CCDC174: variants seen among roughly 807,000 people sequenced by gnomAD.
CCDC174 encodes coiled-coil domain-containing protein 174.
A neutral mutation model predicts 57.1 loss-of-function variants in CCDC174; 37 were observed. That is an observed-to-expected ratio of 0.65 (90% CI 0.50 to 0.85). CCDC174 has a LOEUF of 0.85. Among genes scored for constraint, CCDC174 ranks in the 40% least tolerant of loss-of-function variants. The pLI, the probability that CCDC174 is intolerant of heterozygous loss-of-function variation, is 0.00. For missense variants in CCDC174, 540 were observed against 574.3 expected (o/e 0.94, Z 0.61); for synonymous variants, 182 against 190.2 (o/e 0.96, Z 0.35).
intron 1 of CCDC174, among the ~76,000 whole-genome samples, chr3:14,653,167 A>G (rs1324485719): frequency 6.6e-6 from 1 of 152,246 alleles, no homozygotes; most frequent in Admixed American, 6.5e-5. Flanking sequence ...ATCAGGAACC[A>G]GAAAGCTATA....
chr3:14,671,084 A>G lies in CCDC174; in HGVS notation c.1294A>G (p.Ser432Gly). The G allele has an allele frequency of 6.2e-7, 1 of 1,614,210 alleles. No homozygotes were observed. Among genetic ancestry groups the G allele is most frequent in the Non-Finnish European group, 8.5e-7 (1 of 1,180,024 alleles). Reference sequence around the variant, plus strand: ...GTGCCCTGACCAGAGCCACGGACCTAGCCCTGAACATACGTCACCCACTCC... The same window carrying G: ...GTGCCCTGACCAGAGCCACGGACCTGGCCCTGAACATACGTCACCCACTCC... ...GQCPDQSHGP[S>G]PEHTSPTPAP... Residue 432 changes from serine (S) to glycine (G), a missense_variant, in exon 11 of 11, where the codon AGC (serine) becomes GGC (glycine). By Grantham distance (56) the Ser-to-Gly change is moderately conservative. Coordinates refer to ENST00000383794, the MANE Select transcript of CCDC174 (RefSeq NM_016474.5).
intron 6 of CCDC174, 115 bp downstream of exon 6, chr3:14,665,238 T>TACTG: frequency 1.6e-6 from 1 of 643,538 alleles, no homozygotes; most frequent in East Asian, 2.8e-5. Context: ...AGTAAGGAGA[T>TACTG]ATTGATTGAT....
At chr3:14,657,650 C>A (rs1445427288) in intron 3 of CCDC174, among the ~76,000 whole-genome samples, 1 of 152,216 alleles carries the variant, frequency 6.6e-6, no homozygotes, top group Non-Finnish European at 1.5e-5. Flanking sequence ...CTCATCCCTG[C>A]CTGTCTCTGT....
chr3:14,659,462 A>G (rs1232001479), intron 4 of CCDC174, among the ~76,000 whole-genome samples: 2 of 152,154 alleles, frequency 1.3e-5, no homozygotes, highest in Admixed American at 6.5e-5. Context: ...CAAGGCAGGC[A>G]GATCACCTGA....
rs1446421862 is a variant in CCDC174, at chr3:14,666,910, C to T, written c.687C>T (p.Pro229=). 6.2e-7 allele frequency: 1 copy of T among 1,601,168 alleles called. No individual in the cohort carries two copies. Among genetic ancestry groups the T allele is most frequent in the African/African-American group, 1.4e-5 (1 of 73,740 alleles). The change falls in exon 7 of 11, where the codon CCC becomes CCT. Residue 229 remains proline (P), a synonymous_variant. Transcript: ENST00000383794. ...EEEEREALKR[P]MGPVHYEDIR... ...AAGAAAGAGAGGCCCTGAAGAGGCC[C>T]ATGGGGCCCGTACATTATGAAGACA...
At chr3:14,669,863 G>C in intron 9 of CCDC174, 71 bp from the exon 10 acceptor site, 1 of 1,484,594 alleles carries the variant, frequency 6.7e-7, no homozygotes, top group Non-Finnish European at 9.3e-7. Context: ...TTCAGGATTA[G>C]CATGTTCTGT....
Position 14,661,717 on chromosome 3 carries a change from A to G in CCDC174, c.485+10A>G, listed in dbSNP as rs769147569. 5.0e-6 allele frequency: 8 copies of G among 1,606,096 alleles called. No homozygotes were observed. The highest frequency in any genetic ancestry group is 1.7e-4 in the Middle Eastern group (1 of 6,034). ...ACCCCAGTGAAGAATGGTTGGTAAC[A>G]TCATGGATTAGCTCAGAGGAACATC... On this transcript the variant is annotated intron_variant, in intron 5 of 10. Transcript: ENST00000383794.
chr3:14,659,037 C>G, intron 4 of CCDC174, 108 bp downstream of exon 4: 1 of 1,064,424 alleles, frequency 9.4e-7, no homozygotes, highest in Non-Finnish European at 1.3e-6. Flanking sequence ...ATTTAGACGT[C>G]AAAATTTTAC....
intron 2 of CCDC174, 28 bp from the exon 3 acceptor site, chr3:14,655,500 CT>C (rs771921139): frequency 1.4e-6 from 2 of 1,459,752 alleles, no homozygotes; most frequent in Admixed American, 4.0e-5. Flanking sequence ...TCATGTGGTT[CT>C]GTTTTGTCTT....
chr3:14,663,332 G>A (rs908096653), intron 5 of CCDC174, among the ~76,000 whole-genome samples: 1 of 152,150 alleles, frequency 6.6e-6, no homozygotes, highest in Non-Finnish European at 1.5e-5. Context: ...CTAAGTGATT[G>A]CTCCCTCATC....
chr3:14,651,872 C>T lies in CCDC174; in HGVS notation c.36C>T (p.Ala12=). The change falls in exon 1 of 11, where the codon GCC becomes GCT. Residue 12 remains alanine, a synonymous_variant. Coordinates refer to ENST00000383794, the MANE Select transcript of CCDC174 (RefSeq NM_016474.5). Reference sequence around the variant, plus strand: ...GGAAAAAGCCTTTGGACGTCACGGCCTCCTCGGTGAGTGAGGGTATGAGGT... The same window carrying T: ...GGAAAAAGCCTTTGGACGTCACGGCTTCCTCGGTGAGTGAGGGTATGAGGT... ...DRRKKPLDVT[A]SSLVDLKAEL... 1 of 1,614,094 alleles carries T rather than the reference C, an allele frequency of 6.2e-7. No homozygotes were observed. The highest frequency in any genetic ancestry group is 8.5e-7 in the Non-Finnish European group (1 of 1,179,970).
At chr3:14,661,794 C>T (rs911976879) in intron 5 of CCDC174, 87 bp downstream of exon 5, 5 of 1,176,548 alleles carry the variant, frequency 4.2e-6, no homozygotes, top group Middle Eastern at 2.0e-4. Context: ...TGTTATCGAG[C>T]CATTTCTCTT....
Position 14,655,549 on chromosome 3 carries a change from A to G in CCDC174, c.168A>G (p.Lys56=), listed in dbSNP as rs1225682225. The change falls in exon 3 of 11, where the codon AAA becomes AAG. Residue 56 remains lysine (K), a synonymous_variant. Transcript: ENST00000383794. The part of the protein sequence containing the change: ...TTNKKPSIWS[K]QNVGVSNRAE... ...TCCAGAAACCAAGTATCTGGAGCAA[A>G]CAGAATGTAGGCGTTTCAAATCGAG... 6.2e-7 allele frequency: 1 copy of G among 1,609,084 alleles called. No homozygotes were observed. Among genetic ancestry groups the G allele is most frequent in the East Asian group, 2.2e-5 (1 of 44,634 alleles).
intron 4 of CCDC174, among the ~76,000 whole-genome samples, chr3:14,659,922 C>T (rs1559380483): frequency 6.6e-6 from 1 of 152,170 alleles, no homozygotes; most frequent in African/African-American, 2.4e-5. Context: ...CAGAGGTCAA[C>T]AGAGTCACCT....
Position 14,667,507 on chromosome 3 carries a change from C to G in CCDC174, c.808C>G (p.Leu270Val). 4.3e-6 allele frequency: 7 copies of G among 1,612,918 alleles called. No individual in the cohort carries two copies. Among genetic ancestry groups the G allele is most frequent in the Non-Finnish European group, 5.9e-6 (7 of 1,179,106 alleles). Residue 270 changes from leucine to valine, a missense_variant, in exon 8 of 11, where the codon CTG (leucine) becomes GTG (valine). Physicochemically the swap from Leu to Val is conservative, Grantham distance 32. Transcript: ENST00000383794. ...CAAGCAGATGAAAACCTTAGAGATG[C>G]TGCGTGAACAGGTACAGATAAATCC... ...RNKQMKTLEM[L>V]REQTTDQRTK...
intron 5 of CCDC174, among the ~76,000 whole-genome samples, chr3:14,663,974 A>C (rs1418556943): frequency 6.6e-6 from 1 of 152,246 alleles, no homozygotes; most frequent in African/African-American, 2.4e-5. Flanking sequence ...CAGGTGGTAG[A>C]AAATCTTTCC....
chr3:14,654,627 T>C (rs747391923), intron 2 of CCDC174, 97 bp downstream of exon 2: 21 of 576,508 alleles, frequency 3.6e-5, no homozygotes, highest in Non-Finnish European at 6.1e-5. Flanking sequence ...TCTGTACACA[T>C]AAATGTTAAG....
intron 5 of CCDC174, among the ~76,000 whole-genome samples, chr3:14,663,684 C>A (rs548942740): frequency 6.6e-6 from 1 of 152,244 alleles, no homozygotes; most frequent in South Asian, 2.1e-4. Flanking sequence ...GTTTTGGAGG[C>A]CTTCTCCAGA....
intron 6 of CCDC174, 114 bp from the exon 7 acceptor site, chr3:14,666,691 T>C: frequency 1.2e-6 from 1 of 823,538 alleles, no homozygotes; most frequent in Non-Finnish European, 1.8e-6. Flanking sequence ...GCCTCTGTAG[T>C]TCCCTGTTTT....
Sources: gnomAD v4.1 joint callset for allele counts (sites outside exome capture counted in the v4.1 genomes callset) on GRCh38, gnomAD v4.1.1 for gene constraint, MANE v1.5 for transcripts, NCBI Gene and HGNC (gene_info 2026-07-23, HGNC 2026-07-21) for gene names.